TUBB8B: variants seen among roughly 807,000 people sequenced by gnomAD.
TUBB8B encodes the protein tubulin beta 8B.
Under a neutral mutation model 31.9 loss-of-function variants are expected in TUBB8B, and 26 were observed. The ratio of observed to expected loss-of-function variants is 0.81; its 90% CI spans 0.60 to 1.13. TUBB8B has a LOEUF of 1.13. Ranked by LOEUF, TUBB8B falls within the 50% of genes most tolerant of loss-of-function variation. TUBB8B has a pLI of 0.00. For synonymous variants in TUBB8B, 173 were observed against 231.0 expected (o/e 0.75, Z 2.28); for missense variants, 467 against 586.7 (o/e 0.80, Z 2.11).
rs766383345 is a variant in TUBB8B, at chr18:47,797, A to G, written c.928T>C (p.Tyr310His). The change falls in exon 4 of 4, where the codon TAC (tyrosine) becomes CAC (histidine). Residue 310 changes from tyrosine to histidine, a missense_variant. Coordinates refer to ENST00000308911, the MANE Select transcript of TUBB8B (RefSeq NM_001358689.2). ...CTGAAAATGGCAGCCACCGTTAGGT[A>G]GCAGCCGTGACGGGGGTCACAGGCA... ...MAACDPRHGC[Y>H]LTVAAIFRGR... The G allele has an allele frequency of 8.1e-6, 13 of 1,611,754 alleles. No homozygotes were observed. Among genetic ancestry groups the G allele is most frequent in the Non-Finnish European group, 1.1e-5 (13 of 1,179,538 alleles).
rs748302707 is a variant in TUBB8B at position 47,687 on chromosome 18, G to A, written c.1038C>T (p.Pro346=). The A allele has an allele frequency of 4.6e-5, 74 of 1,611,936 alleles. 1 individual carries two copies. In the East Asian group the frequency reaches 1.1e-3, roughly 24 times the overall value. ...KNSSYFADWF[P]DNVKTAVCDI... is the part of the protein sequence containing the mutation. ...CACAGACGGCTGTTTTTACGTTGTC[G>A]GGGAACCAGTCAGCAAAGTAGCTGC... The change falls in exon 4 of 4, where the codon CCC becomes CCT. Residue 346 remains proline, a synonymous_variant. Transcript: ENST00000308911.
chr18:65,510 TAAAC>T, the TUBB8B span, among the ~76,000 whole-genome samples: 1 of 152,138 alleles, frequency 6.6e-6, no homozygotes, highest in Non-Finnish European at 1.5e-5. Context: ...GGAAGTACTT[TAAAC>T]AAAGTCAACA....
the TUBB8B span, among the ~76,000 whole-genome samples, chr18:54,931 C>T: frequency 1.3e-5 from 2 of 151,908 alleles, no homozygotes; most frequent in East Asian, 1.9e-4. Context: ...TGTGGAGCAC[C>T]TTTTCACTTG....
the TUBB8B span, among the ~76,000 whole-genome samples, chr18:66,867 C>T: frequency 1.3e-5 from 2 of 152,142 alleles, no homozygotes; most frequent in Admixed American, 1.3e-4. Context: ...GTAGTACTGC[C>T]ACCTTAAGAA....
intron 3 of TUBB8B, 193 bp downstream of exon 3, chr18:48,747 C>A (rs1476708195): frequency 3.3e-5 from 23 of 704,770 alleles, no homozygotes; most frequent in Non-Finnish European, 5.7e-5. Flanking sequence ...ATCAGTAGCT[C>A]CTCACCTTGA....
At chr18:69,013 G>A in the TUBB8B span, among the ~76,000 whole-genome samples, 85 of 152,296 alleles carry the variant, frequency 5.6e-4, no homozygotes, top group Non-Finnish European at 1.1e-3. Context: ...AGTTAATAAT[G>A]TGGTTTTTCT....
At chr18:72,196 A>AAAACAAAAAAAAAAAAAAAAC in the TUBB8B span, among the ~76,000 whole-genome samples, 1 of 84,536 alleles carries the variant, frequency 1.2e-5, no homozygotes, top group Non-Finnish European at 2.4e-5. Context: ...AAAAAAAAAA[A>AAAACAAAAAAAAAAAAAAAAC]AAAGGAAAAA....
At chr18:56,243 T>C in the TUBB8B span, among the ~76,000 whole-genome samples, 8 of 151,852 alleles carry the variant, frequency 5.3e-5, no homozygotes, top group Non-Finnish European at 1.0e-4. Context: ...GATAGTACAA[T>C]TTAAAACCAT....
the TUBB8B span, among the ~76,000 whole-genome samples, chr18:63,365 G>C: frequency 6.6e-6 from 1 of 151,750 alleles, no homozygotes; most frequent in Admixed American, 6.6e-5. Context: ...GGTGGCCTTG[G>C]ATTAACATTA....
At chr18:51,228 T>A (rs1354909152), upstream of TUBB8B, among the ~76,000 whole-genome samples, 2 of 151,938 alleles carry the variant, frequency 1.3e-5, no homozygotes, top group African/African-American at 4.8e-5. Flanking sequence ...AAGGGGCTCA[T>A]CTCTCTTAAG....
chr18:72,195 A>C, the TUBB8B span, among the ~76,000 whole-genome samples: 4 of 144,324 alleles, frequency 2.8e-5, no homozygotes, highest in Admixed American at 2.8e-4. Flanking sequence ...AAAAAAAAAA[A>C]AAAAGGAAAA....
At chr18:51,532 C>T (rs200310525), upstream of TUBB8B, among the ~76,000 whole-genome samples, 221 of 125,048 alleles carry the variant, frequency 1.8e-3, no homozygotes, top group Non-Finnish European at 1.8e-3. Context: ...CTCTGATTCC[C>T]GGGTTCAAGC....
At chr18:72,707 G>C in the TUBB8B span, among the ~76,000 whole-genome samples, 1 of 152,142 alleles carries the variant, frequency 6.6e-6, no homozygotes, top group Non-Finnish European at 1.5e-5. Flanking sequence ...GCTCACGCCT[G>C]TAATCCCAGC....
upstream of TUBB8B, among the ~76,000 whole-genome samples, chr18:52,953 T>C (rs868857310): frequency 2.6e-5 from 4 of 151,854 alleles, 1 homozygote; most frequent in Middle Eastern, 6.3e-3. Flanking sequence ...GTTTTAACAA[T>C]GACAATTAAC....
the TUBB8B span, chr18:73,506 C>G: frequency 6.5e-6 from 1 of 154,058 alleles, no homozygotes; most frequent in Non-Finnish European, 1.5e-5. Context: ...CCGTGCGGTT[C>G]GGACACGGTT....
upstream of TUBB8B, chr18:49,831 G>A (rs919760268): frequency 2.0e-5 from 12 of 594,852 alleles, no homozygotes; most frequent in Admixed American, 1.9e-4. Flanking sequence ...TTCTTCCCAC[G>A]TCTTTAGTAA....
the TUBB8B span, among the ~76,000 whole-genome samples, chr18:60,584 G>T: frequency 2.0e-5 from 3 of 151,496 alleles, no homozygotes; most frequent in African/African-American, 7.3e-5. Flanking sequence ...TTTTTATATA[G>T]GCACTTACAG....
the TUBB8B span, among the ~76,000 whole-genome samples, chr18:72,198 A>T: frequency 1.4e-5 from 2 of 147,516 alleles, no homozygotes; most frequent in African/African-American, 2.5e-5. Flanking sequence ...AAAAAAAAAA[A>T]AGGAAAAAAA....
the TUBB8B span, among the ~76,000 whole-genome samples, chr18:61,319 T>TAAAG: frequency 6.6e-6 from 1 of 151,684 alleles, no homozygotes; most frequent in African/African-American, 2.4e-5. Context: ...TCCATCATTT[T>TAAAG]ATTTTCAGTC....
Sources: allele counts gnomAD v4.1 joint callset (sites outside exome capture counted in the v4.1 genomes callset), GRCh38; gene constraint gnomAD v4.1.1; transcripts MANE v1.5; gene names NCBI Gene and HGNC (gene_info 2026-07-23, HGNC 2026-07-21).